The following WWOX variants were observed in gnomAD, a reference collection of about 807,000 sequenced individuals.
WWOX encodes the protein WW domain-containing oxidoreductase.
In WWOX, 69 loss-of-function variants were observed where a neutral mutation model predicts 46.2. The observed-to-expected ratio is 1.49, with a 90% CI of 1.23 to 1.82. The LOEUF (loss-of-function observed/expected upper bound fraction) is 1.82, where lower values mean the gene tolerates loss of function less well. WWOX is among the 40% of genes most tolerant of loss of function. WWOX has a pLI of 0.00. For missense variants in WWOX, 919 were observed against 542.6 expected (o/e 1.69, Z -6.89); for synonymous variants, 359 against 202.6 (o/e 1.77, Z -6.56).
At chr16:78,672,021 A>G (rs950479540) in intron 8 of WWOX, among the ~76,000 whole-genome samples, 2 of 152,198 alleles carry the variant, frequency 1.3e-5, no homozygotes, top group Non-Finnish European at 2.9e-5. Flanking sequence ...GCTTTTGGGT[A>G]GTTAAGAGTT....
intron 8 of WWOX, among the ~76,000 whole-genome samples, chr16:78,626,924 G>A (rs1031748916): frequency 6.6e-6 from 1 of 152,090 alleles, no homozygotes; most frequent in African/African-American, 2.4e-5. Flanking sequence ...GTCTTCAAAA[G>A]TTGCTGCTGT....
intron 8 of WWOX, among the ~76,000 whole-genome samples, chr16:78,652,176 C>T (rs2046980086): frequency 6.6e-6 from 1 of 151,834 alleles, no homozygotes; most frequent in African/African-American, 2.4e-5. Flanking sequence ...CTTTGGGAGG[C>T]TGAGGTGGGC....
At chr16:78,521,369 T>TTAATGGGGGTGTGTGGGTGGGTGG in intron 8 of WWOX, among the ~76,000 whole-genome samples, 1 of 152,174 alleles carries the variant, frequency 6.6e-6, no homozygotes, top group Admixed American at 6.5e-5. Context: ...ATATTATTTT[T>TTAATGGGGGTGTGTGGGTGGGTGG]TAATGGGGGT....
At chr16:78,199,189 T>C (rs1047717719) in intron 5 of WWOX, among the ~76,000 whole-genome samples, 16 of 152,242 alleles carry the variant, frequency 1.1e-4, no homozygotes, top group African/African-American at 3.6e-4. Context: ...GGCACGTGCC[T>C]GTAATCCAAG....
intron 8 of WWOX, among the ~76,000 whole-genome samples, chr16:79,001,833 A>G (rs1285770071): frequency 6.6e-6 from 1 of 152,144 alleles, no homozygotes; most frequent in Admixed American, 6.5e-5. Context: ...TGCTTATGTA[A>G]TAACTGCAGT....
chr16:78,850,918 G>C (rs116941032), intron 8 of WWOX, among the ~76,000 whole-genome samples: 2 of 152,222 alleles, frequency 1.3e-5, no homozygotes, highest in Admixed American at 1.3e-4. Context: ...GATCAGTCAT[G>C]AATAAGGAAT....
intron 8 of WWOX, among the ~76,000 whole-genome samples, chr16:79,138,980 A>G (rs895662799): frequency 2.0e-5 from 3 of 152,108 alleles, no homozygotes; most frequent in East Asian, 1.9e-4. Flanking sequence ...ATCCACACAT[A>G]TAACTCCCTT....
intron 8 of WWOX, among the ~76,000 whole-genome samples, chr16:78,471,319 C>T (rs1597132025): frequency 6.6e-6 from 1 of 152,160 alleles, no homozygotes; most frequent in Non-Finnish European, 1.5e-5. Context: ...TCTGGGTAGC[C>T]CTCGGAGATG....
intron 5 of WWOX, among the ~76,000 whole-genome samples, chr16:78,255,741 A>T (rs762409272): frequency 3.9e-5 from 6 of 152,164 alleles, no homozygotes; most frequent in Non-Finnish European, 5.9e-5. Context: ...GAACATCCAC[A>T]ATAGCCAGAC....
intron 8 of WWOX, among the ~76,000 whole-genome samples, chr16:78,671,000 G>A (rs556414351): frequency 3.9e-5 from 6 of 152,024 alleles, no homozygotes; most frequent in Admixed American, 3.9e-4. Flanking sequence ...GCCAAGGAAT[G>A]CCAAGGCTGT....
chr16:78,191,803 A>C (rs1308216197), intron 5 of WWOX, among the ~76,000 whole-genome samples: 1 of 152,196 alleles, frequency 6.6e-6, no homozygotes, highest in Non-Finnish European at 1.5e-5. Flanking sequence ...TGGAATAATT[A>C]TTAGAACAGT....
intron 5 of WWOX, among the ~76,000 whole-genome samples, chr16:78,228,840 A>G (rs7188214): frequency 0.028 from 4,316 of 152,266 alleles, 233 homozygotes; most frequent in African/African-American, 0.097. Context: ...GAAATACTCT[A>G]CCTGGGTGAG....
At chr16:78,716,810 C>G (rs1180763474) in intron 8 of WWOX, among the ~76,000 whole-genome samples, 1 of 152,152 alleles carries the variant, frequency 6.6e-6, no homozygotes, top group African/African-American at 2.4e-5. Flanking sequence ...TGTCTTGGTC[C>G]ATAGCCTGAG....
chr16:78,444,078 C>G (rs2083504585), intron 8 of WWOX, among the ~76,000 whole-genome samples: 1 of 152,178 alleles, frequency 6.6e-6, no homozygotes, highest in African/African-American at 2.4e-5. Flanking sequence ...GGGCTGAAAC[C>G]TGGTGCTCAG....
chr16:78,657,099 A>G (rs898612531), intron 8 of WWOX, among the ~76,000 whole-genome samples: 2 of 152,100 alleles, frequency 1.3e-5, no homozygotes, highest in Non-Finnish European at 1.5e-5. Context: ...CAATTGCGCA[A>G]TTCACACACC....
At chr16:78,937,474 T>TTTTA (rs1567661836) in intron 8 of WWOX, among the ~76,000 whole-genome samples, 2 of 139,708 alleles carry the variant, frequency 1.4e-5, no homozygotes, top group African/African-American at 2.7e-5. Flanking sequence ...TTTTTTTTTT[T>TTTTA]AATAGCGATG....
chr16:78,508,957 C>T (rs531460393), intron 8 of WWOX, among the ~76,000 whole-genome samples: 1 of 152,362 alleles, frequency 6.6e-6, no homozygotes, highest in African/African-American at 2.4e-5. Context: ...AGTATCCTCT[C>T]TAGGCAAATA....
At chr16:78,335,392 T>G (rs953136239) in intron 5 of WWOX, among the ~76,000 whole-genome samples, 2 of 152,210 alleles carry the variant, frequency 1.3e-5, no homozygotes, top group African/African-American at 4.8e-5. Context: ...GTTTTCAGTT[T>G]CTGCATAAGT....
At chr16:78,572,509 G>A (rs921055544) in intron 8 of WWOX, among the ~76,000 whole-genome samples, 5 of 151,018 alleles carry the variant, frequency 3.3e-5, no homozygotes, top group Non-Finnish European at 2.9e-5. Context: ...AGACTGAGGA[G>A]GGAGGACCTC....
Sources: allele counts gnomAD v4.1 joint callset (sites outside exome capture counted in the v4.1 genomes callset), GRCh38; gene constraint gnomAD v4.1.1; transcripts MANE v1.5; gene names NCBI Gene and HGNC (gene_info 2026-07-23, HGNC 2026-07-21).